The following ARHGAP22 variants were observed in gnomAD, a reference collection of about 807,000 sequenced individuals.
ARHGAP22 encodes the protein Rho GTPase activating protein 22.
ARHGAP22 carries 48 observed loss-of-function variants against 59.1 expected under a neutral mutation model. The observed-to-expected ratio is 0.81, with a 90% CI of 0.64 to 1.03. The LOEUF (loss-of-function observed/expected upper bound fraction) is 1.03, where lower values mean the gene tolerates loss of function less well. ARHGAP22 is among the 50% of genes least tolerant of loss of function. The pLI is 0.00. For missense variants in ARHGAP22, 1,015 were observed against 958.7 expected (o/e 1.06, Z -0.78); for synonymous variants, 445 against 416.4 (o/e 1.07, Z -0.84).
intron 1 of ARHGAP22, among the ~76,000 whole-genome samples, chr10:48,583,793 G>A (rs1461530198): frequency 6.6e-6 from 1 of 152,132 alleles, no homozygotes; most frequent in African/African-American, 2.4e-5. Context: ...TCCCACAGCG[G>A]GGCTTCTTCT....
chr10:48,515,422 G>T (rs1638387191), intron 3 of ARHGAP22, among the ~76,000 whole-genome samples: 1 of 152,158 alleles, frequency 6.6e-6, no homozygotes, highest in Admixed American at 6.5e-5. Flanking sequence ...CCTATAAACA[G>T]AACCCCATAA....
intron 1 of ARHGAP22, among the ~76,000 whole-genome samples, chr10:48,586,717 A>T (rs529410676): frequency 1.3e-5 from 2 of 152,274 alleles, no homozygotes; most frequent in African/African-American, 4.8e-5. Flanking sequence ...GCACGTAGTT[A>T]TTGTCTTAGC....
intron 2 of ARHGAP22, among the ~76,000 whole-genome samples, chr10:48,572,040 C>G (rs571285345): frequency 1.3e-5 from 2 of 152,274 alleles, no homozygotes; most frequent in Admixed American, 1.3e-4. Context: ...GAGTTCCTGG[C>G]TGTGATAGGA....
At chr10:48,595,169 G>A (rs1450918435) in intron 1 of ARHGAP22, among the ~76,000 whole-genome samples, 1 of 152,190 alleles carries the variant, frequency 6.6e-6, no homozygotes, top group Non-Finnish European at 1.5e-5. Flanking sequence ...ATGGAGAAGT[G>A]GCTGTAGGAC....
intron 3 of ARHGAP22, among the ~76,000 whole-genome samples, chr10:48,549,072 G>A (rs570045066): frequency 5.3e-5 from 8 of 152,348 alleles, no homozygotes; most frequent in African/African-American, 1.9e-4. Context: ...GGTGTGCTCA[G>A]CTTCATTCCT....
At chr10:48,617,181 C>T (rs1395942600) in intron 1 of ARHGAP22, among the ~76,000 whole-genome samples, 2 of 151,996 alleles carry the variant, frequency 1.3e-5, no homozygotes, top group African/African-American at 2.4e-5. Context: ...GCACTCAACA[C>T]TGGACCACTC....
At chr10:48,448,301 C>T (rs527592942) in intron 9 of ARHGAP22, among the ~76,000 whole-genome samples, 3 of 152,222 alleles carry the variant, frequency 2.0e-5, no homozygotes, top group Non-Finnish European at 4.4e-5. Context: ...TGAGGCTCCT[C>T]TCCGCTCCCC....
At chr10:48,515,131 C>A (rs777595833) in intron 3 of ARHGAP22, among the ~76,000 whole-genome samples, 3 of 152,012 alleles carry the variant, frequency 2.0e-5, no homozygotes, top group Non-Finnish European at 4.4e-5. Context: ...AATACTCCAA[C>A]AAAAAGGCAA....
upstream of ARHGAP22, among the ~76,000 whole-genome samples, chr10:48,654,710 G>A (rs765620471): frequency 2.6e-5 from 4 of 152,136 alleles, no homozygotes; most frequent in Non-Finnish European, 5.9e-5. Context: ...TGAGAGGAGA[G>A]AGAGGGAGAG....
intron 3 of ARHGAP22, among the ~76,000 whole-genome samples, chr10:48,544,898 A>T (rs1042256536): frequency 2.6e-5 from 4 of 152,242 alleles, no homozygotes; most frequent in African/African-American, 4.8e-5. Context: ...TTAAAAAATT[A>T]AAAAATTAGA....
intron 1 of ARHGAP22, among the ~76,000 whole-genome samples, chr10:48,626,466 G>T (rs558556137): frequency 3.7e-4 from 56 of 152,298 alleles, no homozygotes; most frequent in African/African-American, 1.3e-3. Context: ...TGGCTGCTAG[G>T]AGGTGCTACA....
At chr10:48,453,879 C>A (rs2046233508) in intron 7 of ARHGAP22, among the ~76,000 whole-genome samples, 1 of 152,190 alleles carries the variant, frequency 6.6e-6, no homozygotes, top group Admixed American at 6.5e-5. Flanking sequence ...CTGTTTAAAA[C>A]CAGCTGCTCC....
rs2050375667 is a variant in ARHGAP22 at position 48,491,398 on chromosome 10, C to A, written c.323-11634G>T. ...TTCTTGGGGAATCTTTCCTGACCACCCTATTTAAGGCTCACCATGCATCAC... is the reference window on the plus strand; with the variant it reads ...TTCTTGGGGAATCTTTCCTGACCACACTATTTAAGGCTCACCATGCATCAC... On this transcript the variant is annotated intron_variant, in intron 3 of 9. Coordinates refer to ENST00000249601, the MANE Select transcript of ARHGAP22 (RefSeq NM_021226.4). 2.6e-5 allele frequency among the ~76,000 whole-genome samples: 4 copies of A among 152,256 alleles called. No individual in the cohort carries two copies. In the South Asian group the frequency reaches 8.3e-4, roughly 31 times the overall value.
At chr10:48,490,937 A>C (rs2050330682) in intron 3 of ARHGAP22, among the ~76,000 whole-genome samples, 1 of 152,154 alleles carries the variant, frequency 6.6e-6, no homozygotes, top group South Asian at 2.1e-4. Context: ...TCCTCTCAGC[A>C]AATTCTAGTA....
chr10:48,431,309 C>A, the ARHGAP22 span: 1 of 1,394,940 alleles, frequency 7.2e-7, no homozygotes, highest in Non-Finnish European at 1.0e-6. Flanking sequence ...TTACAGTTTA[C>A]TTCTTGTGTT....
intron 1 of ARHGAP22, among the ~76,000 whole-genome samples, chr10:48,620,041 A>G (rs1455222467): frequency 6.6e-6 from 1 of 152,224 alleles, no homozygotes; most frequent in Non-Finnish European, 1.5e-5. Flanking sequence ...ACAACCTGGA[A>G]AGCTAACGAG....
chr10:48,611,157 G>T (rs1315723096), intron 1 of ARHGAP22, among the ~76,000 whole-genome samples: 1 of 152,238 alleles, frequency 6.6e-6, no homozygotes, highest in Non-Finnish European at 1.5e-5. Context: ...GGGGAAGCTT[G>T]TATTAGAGTG....
chr10:48,548,504 C>T (rs1029111074), intron 3 of ARHGAP22, among the ~76,000 whole-genome samples: 1 of 152,228 alleles, frequency 6.6e-6, no homozygotes, highest in African/African-American at 2.4e-5. Flanking sequence ...CAATGAGTTA[C>T]AAAGCTTAAC....
chr10:48,496,194 T>C (rs527699941), intron 3 of ARHGAP22, among the ~76,000 whole-genome samples: 77 of 152,258 alleles, frequency 5.1e-4, no homozygotes, highest in Admixed American at 1.3e-3. Context: ...CAATCCCCAT[T>C]TTGTCAAAAC....
Sources: allele counts gnomAD v4.1 joint callset (sites outside exome capture counted in the v4.1 genomes callset), GRCh38; gene constraint gnomAD v4.1.1; transcripts MANE v1.5; gene names NCBI Gene and HGNC (gene_info 2026-07-23, HGNC 2026-07-21).